Variants in SH3RF3 observed in about 807,000 individuals in gnomAD.
SH3RF3 encodes the protein SH3 domain containing ring finger 3.
Under a neutral mutation model 66.3 loss-of-function variants are expected in SH3RF3, and 29 were observed. That is an observed-to-expected ratio of 0.44 (90% CI 0.33 to 0.60). The LOEUF (loss-of-function observed/expected upper bound fraction) is 0.60. Among genes scored for constraint, SH3RF3 ranks in the 20% least tolerant of loss-of-function variants. The pLI, the probability that SH3RF3 is intolerant of heterozygous loss-of-function variation, is 0.04. For missense variants in SH3RF3, 1,194 were observed against 1,190.9 expected (o/e 1.00, Z -0.04); for synonymous variants, 583 against 532.0 (o/e 1.10, Z -1.32).
At chr2:109,464,395 TAAC>T (rs1265828999) in intron 8 of SH3RF3, among the ~76,000 whole-genome samples, 4 of 152,318 alleles carry the variant, frequency 2.6e-5, no homozygotes, top group East Asian at 3.9e-4. Flanking sequence ...CATGAATACA[TAAC>T]AAAAATACAC....
At chr2:109,143,763 AAAACAAAC>A (rs140368471) in intron 1 of SH3RF3, among the ~76,000 whole-genome samples, 22 of 151,120 alleles carry the variant, frequency 1.5e-4, no homozygotes, top group South Asian at 8.4e-4. Flanking sequence ...GAAACAAAAC[AAAACAAAC>A]AAACAAACAA....
intron 1 of SH3RF3, among the ~76,000 whole-genome samples, 185 bp downstream of exon 1, chr2:109,130,298 C>A (rs1676659149): frequency 1.3e-5 from 2 of 152,204 alleles, no homozygotes; most frequent in African/African-American, 4.8e-5. Context: ...GGCAGCTCGC[C>A]GCTTGTTCAC....
At chr2:109,219,531 A>G (rs1679178328) in intron 1 of SH3RF3, among the ~76,000 whole-genome samples, 1 of 152,210 alleles carries the variant, frequency 6.6e-6, no homozygotes, top group Non-Finnish European at 1.5e-5. Context: ...TTTGCAGATG[A>G]TACGATCTTA....
intron 3 of SH3RF3, among the ~76,000 whole-genome samples, chr2:109,387,774 A>G (rs922249181): frequency 2.5e-4 from 38 of 151,956 alleles, no homozygotes; most frequent in African/African-American, 8.7e-4. Context: ...GTCTGTATTT[A>G]TTTCACAGTG....
chr2:109,374,253 T>C (rs1412473740), intron 3 of SH3RF3, among the ~76,000 whole-genome samples: 1 of 152,140 alleles, frequency 6.6e-6, no homozygotes, highest in Non-Finnish European at 1.5e-5. Context: ...CCACTGCCCC[T>C]CTTGCCCCTT....
chr2:109,249,582 TCC>T lies in SH3RF3; in HGVS notation c.574-98091_574-98090del, dbSNP rs1491543723. Among the ~76,000 whole-genome samples the T allele has an allele frequency of 1.6e-4, 18 of 113,102 alleles. 2 individuals are homozygous for T. Among genetic ancestry groups the T allele is most frequent in the Admixed American group, 2.8e-4 (3 of 10,640 alleles). 74.2% of individuals were successfully genotyped at this position (113,102 alleles called of 152,430 possible). A position where few individuals can be genotyped will look rare whatever the true frequency, so the allele number is the denominator to read the frequency against. ...TTCCTTCCTTCCTTCCTTCCTTCCT[TCC>T]TTTCCTTTCTTTCTTTTTCTTTCTT... On this transcript the variant is annotated intron_variant, in intron 1 of 9. Transcript: ENST00000309415.
intron 1 of SH3RF3, among the ~76,000 whole-genome samples, chr2:109,250,221 T>C (rs913018080): frequency 1.3e-5 from 2 of 152,090 alleles, no homozygotes; most frequent in Non-Finnish European, 2.9e-5. Flanking sequence ...AATTTGTATT[T>C]AGGGAAAGGC....
intron 9 of SH3RF3, 43 bp downstream of exon 9, chr2:109,490,979 G>A (rs36187564): frequency 0.059 from 83,373 of 1,404,588 alleles, 2,793 homozygotes; most frequent in Non-Finnish European, 0.067. Flanking sequence ...GCTGTGGTTT[G>A]GCCTCTGAGG....
chr2:109,202,983 T>C (rs1247344833), intron 1 of SH3RF3, among the ~76,000 whole-genome samples: 2 of 152,190 alleles, frequency 1.3e-5, no homozygotes, highest in African/African-American at 4.8e-5. Flanking sequence ...ATAACACTTG[T>C]GCCTAACAAG....
chr2:109,457,294 C>A (rs1678086559), intron 8 of SH3RF3, among the ~76,000 whole-genome samples: 1 of 152,146 alleles, frequency 6.6e-6, no homozygotes, highest in Non-Finnish European at 1.5e-5. Context: ...ATCCCCGAGG[C>A]TTCTCTAAAA....
chr2:109,364,312 T>C (rs1377397349), intron 2 of SH3RF3, among the ~76,000 whole-genome samples: 1 of 152,268 alleles, frequency 6.6e-6, no homozygotes, highest in East Asian at 1.9e-4. Context: ...ACAGGGTTTT[T>C]GATTGCTAAC....
At chr2:109,272,965 C>G (rs1680664491) in intron 1 of SH3RF3, among the ~76,000 whole-genome samples, 1 of 152,150 alleles carries the variant, frequency 6.6e-6, no homozygotes, top group South Asian at 2.1e-4. Flanking sequence ...TATTTTTTCC[C>G]TATTAAGCTA....
intron 4 of SH3RF3, among the ~76,000 whole-genome samples, chr2:109,417,852 G>A (rs1349070088): frequency 2.0e-5 from 3 of 152,146 alleles, no homozygotes; most frequent in Non-Finnish European, 4.4e-5. Context: ...GTAGGTGGCC[G>A]GCGGCATGCA....
At position 109,501,752 on chromosome 2, in the gene SH3RF3, C is replaced by A; in HGVS notation, c.*81C>A. 1 of 673,544 alleles carries A rather than the reference C, an allele frequency of 1.5e-6. No individual in the cohort carries two copies. Among genetic ancestry groups the A allele is most frequent in the Non-Finnish European group, 2.7e-6 (1 of 366,818 alleles). The allele number at this position is 673,544 out of a possible 1,614,324, so 41.7% of individuals were successfully genotyped here. On this transcript the variant is annotated 3_prime_UTR_variant, in exon 10 of 10. Transcript: ENST00000309415. ...ACGGCACACAGAGAGGGAGCCATGG[C>A]GCCCCAAGGGTTCCAGGTCATCTCC...
chr2:109,173,544 A>G (rs377034017), intron 1 of SH3RF3, among the ~76,000 whole-genome samples: 13 of 152,200 alleles, frequency 8.5e-5, no homozygotes, highest in East Asian at 1.9e-4. Context: ...CTGCCTAACA[A>G]CAGAGCTCTA....
rs573277599 is a variant in SH3RF3 at position 109,402,865 on chromosome 2, C to T, written c.1299+3922C>T. On this transcript the variant is annotated intron_variant, in intron 4 of 9. Coordinates refer to ENST00000309415, the MANE Select transcript of SH3RF3 (RefSeq NM_001099289.3). The stretch of plus-strand genomic sequence containing the variant: ...TGGTAGTTATTGAATCCTCATTGAA[C>T]GTTGCACTGGGTTCTGTAGAAAGGT... 1.1e-4 allele frequency among the ~76,000 whole-genome samples: 16 copies of T among 152,256 alleles called. No individual in the cohort carries two copies. In the South Asian group the frequency reaches 1.9e-3, roughly 18 times the overall value.
At chr2:109,400,139 T>C (rs1676265914) in intron 4 of SH3RF3, among the ~76,000 whole-genome samples, 1 of 152,186 alleles carries the variant, frequency 6.6e-6, no homozygotes, top group Admixed American at 6.5e-5. Context: ...GTCTTAAAAA[T>C]TGCTGAGCTT....
At chr2:109,259,732 CT>C (rs957994752) in intron 1 of SH3RF3, among the ~76,000 whole-genome samples, 4 of 152,224 alleles carry the variant, frequency 2.6e-5, no homozygotes, top group Non-Finnish European at 4.4e-5. Context: ...CTTTTCACTT[CT>C]TTTTCTTCAT....
chr2:109,292,599 A>G (rs1361796612), intron 1 of SH3RF3, among the ~76,000 whole-genome samples: 2 of 151,978 alleles, frequency 1.3e-5, no homozygotes, highest in African/African-American at 4.8e-5. Context: ...CCTGATTTCT[A>G]TTTTGGGCAT....
Sources: allele counts gnomAD v4.1 joint callset (sites outside exome capture counted in the v4.1 genomes callset), GRCh38; gene constraint gnomAD v4.1.1; transcripts MANE v1.5; gene names NCBI Gene and HGNC (gene_info 2026-07-23, HGNC 2026-07-21).